Variants in CSMD2 observed in about 807,000 individuals in gnomAD.
The protein encoded by CSMD2 is CUB and sushi domain-containing protein 2.
In CSMD2, 130 loss-of-function variants were observed where a neutral mutation model predicts 398.5. The observed-to-expected ratio is 0.33, with a 90% CI of 0.28 to 0.38. CSMD2 has a LOEUF of 0.38. CSMD2 is among the 10% of genes least tolerant of loss of function. CSMD2 has a pLI of 1.00. For missense variants in CSMD2, 3,829 were observed against 4,764.9 expected (o/e 0.80, Z 5.78); for synonymous variants, 1,828 against 1,908.5 (o/e 0.96, Z 1.10).
At chr1:33,695,955 T>C (rs1472368895) in intron 24 of CSMD2, among the ~76,000 whole-genome samples, 4 of 152,228 alleles carry the variant, frequency 2.6e-5, no homozygotes, top group Admixed American at 1.3e-4. Context: ...ATTTCTACTA[T>C]AGCATGTGTA....
intron 1 of CSMD2, among the ~76,000 whole-genome samples, chr1:34,110,318 A>G (rs1286422869): frequency 6.6e-6 from 1 of 152,170 alleles, no homozygotes; most frequent in East Asian, 1.9e-4. Context: ...CAGAACTATC[A>G]TTCAACCCAG....
chr1:33,630,484 A>C (rs533156068), intron 32 of CSMD2, among the ~76,000 whole-genome samples: 7 of 152,350 alleles, frequency 4.6e-5, no homozygotes, highest in Non-Finnish European at 8.8e-5. Context: ...AGAGGAGAAA[A>C]CTGAAGCTCA....
chr1:34,061,382 C>T (rs762608131), intron 2 of CSMD2, among the ~76,000 whole-genome samples: 9 of 152,280 alleles, frequency 5.9e-5, no homozygotes, highest in Non-Finnish European at 1.0e-4. Context: ...GGCCCCGTTT[C>T]GCAACGGCTG....
intron 3 of CSMD2, among the ~76,000 whole-genome samples, chr1:34,029,168 G>C (rs556051302): frequency 6.6e-6 from 1 of 152,286 alleles, no homozygotes; most frequent in East Asian, 1.9e-4. Context: ...TAGGCTGGAA[G>C]TGGGGGCCTC....
intron 1 of CSMD2, among the ~76,000 whole-genome samples, chr1:34,094,320 A>G (rs1659011585): frequency 2.6e-5 from 4 of 152,206 alleles, no homozygotes; most frequent in Admixed American, 2.6e-4. Context: ...AAATGTAACG[A>G]CCATCGAGAC....
intron 2 of CSMD2, among the ~76,000 whole-genome samples, chr1:34,043,667 G>T (rs964600066): frequency 6.6e-6 from 1 of 152,194 alleles, no homozygotes; most frequent in African/African-American, 2.4e-5. Flanking sequence ...CCTTTGAAAG[G>T]CCAGCTTACA....
intron 5 of CSMD2, among the ~76,000 whole-genome samples, chr1:33,853,521 T>A (rs550906801): frequency 6.6e-6 from 1 of 152,380 alleles, no homozygotes; most frequent in Admixed American, 6.5e-5. Flanking sequence ...GTTTATGTGA[T>A]GTTTAATTTA....
At chr1:33,713,986 C>A (rs574708707) in intron 21 of CSMD2, among the ~76,000 whole-genome samples, 2 of 152,324 alleles carry the variant, frequency 1.3e-5, no homozygotes, top group South Asian at 4.1e-4. Context: ...TGAAGAATTT[C>A]TCTGTTTTGT....
chr1:33,691,607 C>T (rs1645243474), intron 25 of CSMD2, among the ~76,000 whole-genome samples: 1 of 152,138 alleles, frequency 6.6e-6, no homozygotes, highest in Non-Finnish European at 1.5e-5. Flanking sequence ...TACTTCTATT[C>T]CTTTTCTTGG....
At chr1:33,773,210 A>G (rs988330766) in intron 12 of CSMD2, among the ~76,000 whole-genome samples, 1 of 152,214 alleles carries the variant, frequency 6.6e-6, no homozygotes, top group African/African-American at 2.4e-5. Context: ...GATCTCAAGT[A>G]CAGTCCATTT....
intron 3 of CSMD2, among the ~76,000 whole-genome samples, chr1:34,017,734 GTAAGGCC>G (rs1226558946): frequency 6.6e-6 from 1 of 152,192 alleles, no homozygotes; most frequent in Admixed American, 6.5e-5. Flanking sequence ...GGGTGACAGA[GTAAGGCC>G]TTATCTCCGT....
At chr1:33,997,237 G>T (rs1646755863) in intron 3 of CSMD2, among the ~76,000 whole-genome samples, 2 of 152,212 alleles carry the variant, frequency 1.3e-5, no homozygotes, top group Non-Finnish European at 2.9e-5. Context: ...AGCTGCAGAG[G>T]CTGGGATCAT....
chr1:33,607,434 A>G (rs1423507376), intron 41 of CSMD2, among the ~76,000 whole-genome samples: 1 of 152,220 alleles, frequency 6.6e-6, no homozygotes, highest in Non-Finnish European at 1.5e-5. Flanking sequence ...CGTTCATTGA[A>G]GCTGGGTTTT....
At chr1:34,088,493 G>C (rs1283001430) in intron 2 of CSMD2, among the ~76,000 whole-genome samples, 1 of 152,172 alleles carries the variant, frequency 6.6e-6, no homozygotes, top group African/African-American at 2.4e-5. Context: ...CACAGGGATG[G>C]GGGTTAAGAG....
At chr1:33,542,670 A>T (rs1656466288) in intron 58 of CSMD2, 50 bp downstream of exon 58, 1 of 1,538,620 alleles carries the variant, frequency 6.5e-7, no homozygotes, top group East Asian at 2.3e-5. Context: ...TCTGGCATGC[A>T]GGATCTGGGC....
At chr1:33,719,168 T>C (rs1646273241) in intron 19 of CSMD2, among the ~76,000 whole-genome samples, 1 of 152,210 alleles carries the variant, frequency 6.6e-6, no homozygotes, top group African/African-American at 2.4e-5. Context: ...TGTGCCCACG[T>C]GCATGCTCTA....
intron 1 of CSMD2, among the ~76,000 whole-genome samples, chr1:34,139,722 GTAA>G (rs1482693454): frequency 1.3e-5 from 2 of 152,152 alleles, no homozygotes; most frequent in African/African-American, 2.4e-5. Flanking sequence ...TTTTCTCTCA[GTAA>G]TAATGATGTT....
chr1:33,729,858 C>T (rs540407216), intron 15 of CSMD2, among the ~76,000 whole-genome samples: 5 of 152,144 alleles, frequency 3.3e-5, no homozygotes, highest in Admixed American at 6.5e-5. Context: ...TGCTGGTGAA[C>T]GTGCAATATG....
chr1:33,986,522 G>A (rs1646365093), intron 3 of CSMD2, among the ~76,000 whole-genome samples: 1 of 152,128 alleles, frequency 6.6e-6, no homozygotes, highest in Non-Finnish European at 1.5e-5. Context: ...CATCCAGCCT[G>A]GGCCTGCTTG....
Sources: gnomAD v4.1 joint callset for allele counts (sites outside exome capture counted in the v4.1 genomes callset) on GRCh38, gnomAD v4.1.1 for gene constraint, MANE v1.5 for transcripts, NCBI Gene and HGNC (gene_info 2026-07-23, HGNC 2026-07-21) for gene names.